FBXL5: variants seen among roughly 807,000 people sequenced by gnomAD.
FBXL5 encodes the protein F-box/LRR-repeat protein 5.
A neutral mutation model predicts 78.3 loss-of-function variants in FBXL5; 26 were observed. The ratio of observed to expected loss-of-function variants is 0.33; its 90% CI spans 0.24 to 0.46. The LOEUF (loss-of-function observed/expected upper bound fraction) is 0.46. Among genes scored for constraint, FBXL5 ranks in the 20% least tolerant of loss-of-function variants. FBXL5 has a pLI of 1.00. For synonymous variants in FBXL5, 295 were observed against 282.5 expected (o/e 1.04, Z -0.45); for missense variants, 710 against 829.2 (o/e 0.86, Z 1.77).
Position 15,625,801 on chromosome 4 carries a change from T to C in FBXL5, c.1301A>G (p.Lys434Arg). Residue 434 changes from lysine (K) to arginine (R), a missense_variant, in exon 9 of 11, where the codon AAA becomes AGA. Transcript: ENST00000341285. ...SKITSTAWKN[K>R]DITMQSTKQY... ...CTTGGTGGACTGCATGGTAATGTCT[T>C]TATTTTTCCACGCAGTTGAAGTAAT... 6.2e-7 allele frequency: 1 copy of C among 1,614,154 alleles called. No individual in the cohort carries two copies. The highest frequency in any genetic ancestry group is 8.5e-7 in the Non-Finnish European group (1 of 1,180,020).
At chr4:15,641,664 G>A (rs928464781) in intron 2 of FBXL5, 26 of 447,998 alleles carry the variant, frequency 5.8e-5, no homozygotes, top group African/African-American at 2.7e-4. Context: ...AAAGTTATAC[G>A]TGGATTTTCA....
intron 2 of FBXL5, chr4:15,641,559 T>A (rs1457474983): frequency 2.2e-6 from 1 of 454,708 alleles, no homozygotes; most frequent in South Asian, 1.6e-5. Context: ...ATTTTACATA[T>A]AATACATGAA....
intron 1 of FBXL5, among the ~76,000 whole-genome samples, chr4:15,677,199 TTTATG>T (rs1382480794): frequency 3.9e-5 from 6 of 152,280 alleles, no homozygotes; most frequent in Non-Finnish European, 7.4e-5. Context: ...AAAAGATACC[TTTATG>T]TTATGTTTCT....
At chr4:15,637,811 CAA>C (rs950474815) in intron 4 of FBXL5, among the ~76,000 whole-genome samples, 1 of 151,710 alleles carries the variant, frequency 6.6e-6, no homozygotes, top group African/African-American at 2.4e-5. Context: ...CAAAAAACTC[CAA>C]GCTATTTTAA....
intron 9 of FBXL5, among the ~76,000 whole-genome samples, chr4:15,622,389 G>A (rs1332394050): frequency 3.3e-5 from 5 of 152,178 alleles, no homozygotes; most frequent in Non-Finnish European, 7.3e-5. Flanking sequence ...AAAAAGAGTT[G>A]CTTCTAAAAA....
chr4:15,631,664 A>G (rs571768572), intron 5 of FBXL5, among the ~76,000 whole-genome samples: 1 of 152,286 alleles, frequency 6.6e-6, no homozygotes, highest in South Asian at 2.1e-4. Flanking sequence ...TTCTCTGATG[A>G]CCAGTGATGA....
chr4:15,664,461 A>G (rs1473937918), upstream of FBXL5, among the ~76,000 whole-genome samples: 1 of 151,774 alleles, frequency 6.6e-6, no homozygotes, highest in East Asian at 1.9e-4. Context: ...TGAGGTACCT[A>G]GTACAGTACC....
chr4:15,620,258 CAA>C (rs759862707), intron 9 of FBXL5, among the ~76,000 whole-genome samples: 2 of 152,042 alleles, frequency 1.3e-5, no homozygotes, highest in African/African-American at 4.8e-5. Flanking sequence ...CCAAAAACTA[CAA>C]AAGACTACTG....
rs1273592736 is a variant in FBXL5, at chr4:15,636,528, A to C, written c.732T>G (p.Leu244=). ...KWSQLTKTGS[L]WKHLYPVHWA... ...AATGAACAGGGTAAAGATGTTTCCAAAGCGATCCCGTTTTTGTCAGCTGAG... is the reference window on the plus strand; with the variant it reads ...AATGAACAGGGTAAAGATGTTTCCACAGCGATCCCGTTTTTGTCAGCTGAG... Residue 244 remains leucine, a synonymous_variant, in exon 5 of 11, where the codon CTT becomes CTG. Coordinates refer to ENST00000341285, the MANE Select transcript of FBXL5 (RefSeq NM_012161.4). The C allele has an allele frequency of 1.2e-6, 2 of 1,612,804 alleles. No homozygotes were observed. The highest frequency in any genetic ancestry group is 2.2e-5 in the East Asian group (1 of 44,856).
upstream of FBXL5, among the ~76,000 whole-genome samples, chr4:15,663,118 G>T (rs1435776106): frequency 6.6e-6 from 1 of 152,074 alleles, no homozygotes; most frequent in Non-Finnish European, 1.5e-5. Flanking sequence ...GTTTATTCTT[G>T]CCAGTCTTTT....
chr4:15,622,083 T>G lies in FBXL5; in HGVS notation c.1850+3169A>C, dbSNP rs1334634970. Among the ~76,000 whole-genome samples, 4 of 152,320 alleles carry G rather than the reference T, an allele frequency of 2.6e-5. No homozygotes were observed. The South Asian group carries it at 8.3e-4, about 32-fold the overall frequency. On this transcript the variant is annotated intron_variant, in intron 9 of 10. Coordinates refer to ENST00000341285, the MANE Select transcript of FBXL5 (RefSeq NM_012161.4). The stretch of plus-strand genomic sequence containing the variant: ...CCTGGGCTCAAGTGATCCTACTGCG[T>G]TGGCCTCCCAAAGTGCTGGGATTAC...
intron 1 of FBXL5, among the ~76,000 whole-genome samples, chr4:15,650,657 CTTTCTTT>C (rs1560238609): frequency 2.3e-5 from 3 of 132,634 alleles, no homozygotes; most frequent in Admixed American, 9.1e-5. Flanking sequence ...TTATAACTGA[CTTTCTTT>C]TTTTTTTTTT....
chr4:15,666,541 G>GCTCC (rs1717553547), intron 1 of FBXL5, among the ~76,000 whole-genome samples: 1 of 150,140 alleles, frequency 6.7e-6, no homozygotes, highest in Non-Finnish European at 1.5e-5. Flanking sequence ...AGCATGCAAA[G>GCTCC]TGTCAGGTAG....
At chr4:15,634,721 T>G in intron 5 of FBXL5, among the ~76,000 whole-genome samples, 1 of 152,254 alleles carries the variant, frequency 6.6e-6, no homozygotes, top group South Asian at 2.1e-4. Flanking sequence ...CCAGGCTTAT[T>G]GGAACTTTTT....
intron 1 of FBXL5, among the ~76,000 whole-genome samples, chr4:15,674,420 A>G (rs1717889196): frequency 6.6e-6 from 1 of 152,142 alleles, no homozygotes; most frequent in Non-Finnish European, 1.5e-5. Context: ...TTATGAATAC[A>G]TAGCACACTC....
intron 9 of FBXL5, among the ~76,000 whole-genome samples, chr4:15,613,844 T>TA (rs1302190770): frequency 1.7e-3 from 20 of 11,896 alleles, no homozygotes; most frequent in African/African-American, 1.9e-3. Flanking sequence ...TTATAACTTT[T>TA]GTTTTTTTTT....
At chr4:15,635,779 A>T (rs1041409354) in intron 5 of FBXL5, among the ~76,000 whole-genome samples, 1 of 150,960 alleles carries the variant, frequency 6.6e-6, no homozygotes, top group Non-Finnish European at 1.5e-5. Flanking sequence ...AAAAAAAAAA[A>T]CTCACCTAGC....
upstream of FBXL5, chr4:15,655,371 C>T (rs1158269205): frequency 2.7e-6 from 3 of 1,113,696 alleles, no homozygotes; most frequent in Admixed American, 4.7e-5. Context: ...GGCGGCGCGC[C>T]CCCTTGCGCA....
In FBXL5 at chr4:15,626,062, A is replaced by C. The variant is rs192894152; in HGVS notation, c.1125-85T>G. 76 of 1,247,068 alleles carry C rather than the reference A, an allele frequency of 6.1e-5. No individual in the cohort carries two copies. The African/African-American group carries it at 1.0e-3, about 17-fold the overall frequency. The allele number at this position is 1,247,068 out of a possible 1,614,324, so 77.3% of individuals were successfully genotyped here. A position where few individuals can be genotyped will look rare whatever the true frequency, so the allele number is the denominator to read the frequency against. ...TATATGCATGTAGATGAAAACCAGA[A>C]GAAAGATTTGACATCTAATATAATC... On this transcript the variant is annotated intron_variant, in intron 8 of 10. Coordinates refer to ENST00000341285, the MANE Select transcript of FBXL5 (RefSeq NM_012161.4).
Sources: gnomAD v4.1 joint callset for allele counts (sites outside exome capture counted in the v4.1 genomes callset) on GRCh38, gnomAD v4.1.1 for gene constraint, MANE v1.5 for transcripts, NCBI Gene and HGNC (gene_info 2026-07-23, HGNC 2026-07-21) for gene names.